ERI1: variants seen among roughly 807,000 people sequenced by gnomAD.
ERI1 encodes 3'-5' exoribonuclease 1.
In ERI1, 39 loss-of-function variants were observed where a neutral mutation model predicts 39.7. The observed-to-expected ratio is 0.98, with a 90% confidence interval of 0.76 to 1.28. The LOEUF (loss-of-function observed/expected upper bound fraction) is 1.28, where lower values mean the gene tolerates loss of function less well. Ranked by LOEUF, ERI1 falls within the 50% of genes most tolerant of loss-of-function variation. The pLI, the probability that ERI1 is intolerant of heterozygous loss-of-function variation, is 0.00. For synonymous variants in ERI1, 204 were observed against 149.6 expected (o/e 1.36, Z -2.65); for missense variants, 581 against 416.9 (o/e 1.39, Z -3.43).
intron 2 of ERI1, among the ~76,000 whole-genome samples, chr8:9,009,622 C>G (rs1009349471): frequency 9.3e-5 from 14 of 151,252 alleles, no homozygotes; most frequent in Admixed American, 1.3e-4. Context: ...TCACTGCAAC[C>G]TCCGACTCCT....
chr8:9,083,878 C>G (rs1799443343), intron 3 of ERI1, among the ~76,000 whole-genome samples: 1 of 152,010 alleles, frequency 6.6e-6, no homozygotes, highest in African/African-American at 2.4e-5. Context: ...ACTGCAAACT[C>G]CGCCTCCTGG....
chr8:9,042,875 A>T (rs77123089), intron 3 of ERI1, among the ~76,000 whole-genome samples: 130 of 152,292 alleles, frequency 8.5e-4, no homozygotes, highest in African/African-American at 2.9e-3. Context: ...CAGAGAAGGG[A>T]TGCTCAACCT....
At position 9,004,096 on chromosome 8, in the gene ERI1, T is replaced by C. The variant is rs926454616; in HGVS notation, c.108+925T>C. ...CAGTGCCCCTCGCTGCCTTGTGTTCTTTGACATTGGAAAGAAGGTCTCGTT... is the reference window on the plus strand; with the variant it reads ...CAGTGCCCCTCGCTGCCTTGTGTTCCTTGACATTGGAAAGAAGGTCTCGTT... On this transcript the variant is annotated intron_variant, in intron 1 of 6. Coordinates refer to ENST00000250263, the MANE Select transcript of ERI1 (RefSeq NM_153332.4). The C allele has an allele frequency of 3.1e-6, 4 of 1,289,364 alleles. No individual in the cohort carries two copies. The Admixed American group carries it at 9.2e-5, about 30-fold the overall frequency. The allele number at this position is 1,289,364 out of a possible 1,614,324, so 79.9% of individuals were successfully genotyped here.
chr8:9,072,105 C>A (rs182295328), intron 3 of ERI1, among the ~76,000 whole-genome samples: 16 of 152,252 alleles, frequency 1.1e-4, no homozygotes, highest in Admixed American at 4.6e-4. Flanking sequence ...AGGCAGAATT[C>A]TCCTAAGTGG....
chr8:9,050,165 G>C (rs1213531550), intron 3 of ERI1, among the ~76,000 whole-genome samples: 1 of 35,414 alleles, frequency 2.8e-5, no homozygotes, highest in Non-Finnish European at 5.3e-5. Context: ...TACATTCTAA[G>C]TGGTCAAAAA....
intron 1 of ERI1, among the ~76,000 whole-genome samples, chr8:9,003,515 G>A (rs927724187): frequency 6.6e-6 from 1 of 152,172 alleles, no homozygotes; most frequent in Admixed American, 6.5e-5. Context: ...AAGGCTTTAT[G>A]TTTTTAAAAT....
intron 3 of ERI1, among the ~76,000 whole-genome samples, chr8:9,070,205 C>T (rs1037061432): frequency 1.3e-5 from 2 of 151,756 alleles, no homozygotes; most frequent in Non-Finnish European, 2.9e-5. Flanking sequence ...CACCACTGCA[C>T]TCCAACCTGG....
At chr8:9,016,500 G>T in intron 4 of ERI1, 95 bp downstream of exon 4, 1 of 601,940 alleles carries the variant, frequency 1.7e-6, no homozygotes. Flanking sequence ...TTACTGTTGT[G>T]AACAATTTAA....
At chr8:9,036,954 C>G (rs918495274), downstream of ERI1, among the ~76,000 whole-genome samples, 2 of 152,134 alleles carry the variant, frequency 1.3e-5, no homozygotes, top group East Asian at 3.8e-4. Flanking sequence ...ATAGTCCCTC[C>G]CTCCCCCTTT....
intron 4 of ERI1, 69 bp from the exon 5 acceptor site, chr8:9,018,228 C>G (rs958978437): frequency 5.0e-6 from 4 of 798,070 alleles, no homozygotes; most frequent in East Asian, 2.5e-5. Flanking sequence ...CAACTTAGGT[C>G]TGGGTATTTT....
At chr8:9,007,017 G>C (rs188363915) in intron 1 of ERI1, among the ~76,000 whole-genome samples, 1 of 152,272 alleles carries the variant, frequency 6.6e-6, no homozygotes, top group East Asian at 1.9e-4. Context: ...GGGATAATTA[G>C]TACTAAATAT....
intron 3 of ERI1, among the ~76,000 whole-genome samples, chr8:9,055,433 C>T (rs181765815): frequency 3.1e-4 from 47 of 152,362 alleles, no homozygotes; most frequent in Non-Finnish European, 1.2e-4. Flanking sequence ...CCAGGCTTGC[C>T]TGTTCAGATT....
At chr8:9,060,335 C>T (rs994026194) in intron 3 of ERI1, among the ~76,000 whole-genome samples, 3 of 151,982 alleles carry the variant, frequency 2.0e-5, no homozygotes, top group African/African-American at 7.3e-5. Context: ...AGTGTCTACC[C>T]AGACTAAGAG....
intron 3 of ERI1, among the ~76,000 whole-genome samples, chr8:9,074,242 C>A (rs1480503589): frequency 6.6e-6 from 1 of 151,824 alleles, no homozygotes; most frequent in African/African-American, 2.4e-5. Flanking sequence ...TCCCGAGTAG[C>A]CTGGATTACA....
intron 3 of ERI1, among the ~76,000 whole-genome samples, chr8:9,048,669 G>C (rs1798255714): frequency 6.6e-6 from 1 of 152,296 alleles, no homozygotes; most frequent in East Asian, 1.9e-4. Flanking sequence ...TTTTGAGACA[G>C]GATCTTGCTC....
chr8:9,027,748 C>T lies in ERI1; in HGVS notation c.808-2044C>T, dbSNP rs186750645. On this transcript the variant is annotated intron_variant, in intron 6 of 6. Transcript: ENST00000250263. The stretch of plus-strand genomic sequence containing the variant: ...GTTGAAAAGGCTGTTGTTTTTTCCC[C>T]ATTGATTCAATGTATTTGTGAAAGT... Among the ~76,000 whole-genome samples the T allele has an allele frequency of 2.2e-3, 337 of 152,244 alleles. 1 individual carries two copies. The highest frequency in any genetic ancestry group is 7.6e-3 in the African/African-American group (315 of 41,536).
intron 3 of ERI1, among the ~76,000 whole-genome samples, chr8:9,050,984 C>G (rs1466416131): frequency 6.6e-6 from 1 of 151,970 alleles, no homozygotes; most frequent in East Asian, 1.9e-4. Flanking sequence ...TGGTTCTGAT[C>G]CTGAACTTAA....
downstream of ERI1, among the ~76,000 whole-genome samples, chr8:9,037,799 C>T (rs562417078): frequency 3.3e-5 from 5 of 151,614 alleles, no homozygotes; most frequent in South Asian, 1.0e-3. Context: ...TGTTTAATCC[C>T]TGTCTATGCT....
intron 3 of ERI1, among the ~76,000 whole-genome samples, chr8:9,061,320 A>C (rs989452319): frequency 6.6e-6 from 1 of 152,214 alleles, no homozygotes; most frequent in Non-Finnish European, 1.5e-5. Context: ...GTGGGAGGCC[A>C]GATTGAAGTC....
Sources: allele counts gnomAD v4.1 joint callset (sites outside exome capture counted in the v4.1 genomes callset), GRCh38; gene constraint gnomAD v4.1.1; transcripts MANE v1.5; gene names NCBI Gene and HGNC (gene_info 2026-07-23, HGNC 2026-07-21).